BMP7: variants seen among roughly 807,000 people sequenced by gnomAD.
BMP7 encodes the protein bone morphogenetic protein 7.
A neutral mutation model predicts 41.2 loss-of-function variants in BMP7; 12 were observed. The ratio of observed to expected loss-of-function variants is 0.29; its 90% CI spans 0.19 to 0.47. The LOEUF (loss-of-function observed/expected upper bound fraction) is 0.47, where lower values mean the gene tolerates loss of function less well. BMP7 is among the 20% of genes least tolerant of loss of function. BMP7 has a pLI of 0.99. For missense variants in BMP7, 467 were observed against 606.0 expected (o/e 0.77, Z 2.41); for synonymous variants, 248 against 250.0 (o/e 0.99, Z 0.07).
intron 1 of BMP7, among the ~76,000 whole-genome samples, chr20:57,247,408 C>T (rs2066094585): frequency 6.6e-6 from 1 of 152,238 alleles, no homozygotes; most frequent in African/African-American, 2.4e-5. Flanking sequence ...CACAAAACCA[C>T]ATTCAAGGCA....
chr20:57,210,028 G>A (rs888223107), intron 2 of BMP7, among the ~76,000 whole-genome samples: 3 of 152,166 alleles, frequency 2.0e-5, no homozygotes, highest in African/African-American at 7.2e-5. Context: ...CCAGGGGACA[G>A]GCCACACGTC....
intron 4 of BMP7, among the ~76,000 whole-genome samples, chr20:57,179,298 C>T (rs906888265): frequency 6.6e-6 from 1 of 152,250 alleles, no homozygotes; most frequent in Non-Finnish European, 1.5e-5. Flanking sequence ...AGAAAGTGAG[C>T]AGGAGACAGC....
At chr20:57,177,171 A>C (rs1983948075) in intron 4 of BMP7, among the ~76,000 whole-genome samples, 1 of 152,202 alleles carries the variant, frequency 6.6e-6, no homozygotes, top group African/African-American at 2.4e-5. Context: ...GGCTAGAAGC[A>C]GCAAGCCAAG....
rs745414372 is a variant in BMP7, at chr20:57,174,506, AG to A, written c.1035+424del. Among the ~76,000 whole-genome samples, 4 of 152,176 alleles carry A rather than the reference AG, an allele frequency of 2.6e-5. No homozygotes were observed. Among genetic ancestry groups the A allele is most frequent in the Admixed American group, 6.5e-5 (1 of 15,288 alleles). ...CACCCCTGAAACAGTTGACTGGTTC[AG>A]GAACAAGTGCCTGAACCAAGCTGGG... On this transcript the variant is annotated intron_variant, in intron 5 of 6. Coordinates refer to ENST00000395863, the MANE Select transcript of BMP7 (RefSeq NM_001719.3). This position sits in a 1 kb window ranked among gnomAD's most constrained non-coding sequence, Gnocchi z 4.3.
intron 1 of BMP7, among the ~76,000 whole-genome samples, chr20:57,257,886 C>A (rs1390787152): frequency 6.7e-6 from 1 of 148,618 alleles, no homozygotes; most frequent in African/African-American, 2.5e-5. Flanking sequence ...GGGGGATGAG[C>A]ACTTGGACCA....
chr20:57,224,686 G>C lies in BMP7; in HGVS notation c.611+3543C>G, dbSNP rs1271496348. The C allele has an allele frequency of 6.6e-6, 1 of 152,278 alleles. No homozygotes were observed. Among genetic ancestry groups the C allele is most frequent in the East Asian group, 1.9e-4 (1 of 5,180 alleles). The allele number at this position is 152,278 out of a possible 1,614,324, so 9.4% of individuals were successfully genotyped here. Reference sequence around the variant, plus strand: ...CCTGGGGTTCAGAAAATGAGGATAAGACTCCGATCCTTTCGCAGCCCCCTC... The same window carrying C: ...CCTGGGGTTCAGAAAATGAGGATAACACTCCGATCCTTTCGCAGCCCCCTC... On this transcript the variant is annotated intron_variant, in intron 2 of 6. Coordinates refer to ENST00000395863, the MANE Select transcript of BMP7 (RefSeq NM_001719.3). This position sits in a 1 kb window ranked among gnomAD's most constrained non-coding sequence, Gnocchi z 4.8.
intron 4 of BMP7, among the ~76,000 whole-genome samples, chr20:57,180,127 G>A (rs1016665957): frequency 3.9e-5 from 6 of 152,040 alleles, no homozygotes; most frequent in Non-Finnish European, 2.9e-5. Flanking sequence ...GCACCCCCTC[G>A]GCACCCACCC....
At chr20:57,254,165 G>T (rs569358704) in intron 1 of BMP7, among the ~76,000 whole-genome samples, 119 of 151,530 alleles carry the variant, frequency 7.9e-4, no homozygotes, top group Middle Eastern at 3.4e-3. Flanking sequence ...TGGGACTAAA[G>T]GTGTGTACCA....
At chr20:57,188,865 G>A (rs1157668031) in intron 3 of BMP7, among the ~76,000 whole-genome samples, 1 of 152,250 alleles carries the variant, frequency 6.6e-6, no homozygotes, top group Non-Finnish European at 1.5e-5. Flanking sequence ...GAGTGAGGAA[G>A]GCCTTTGAGC....
intron 2 of BMP7, among the ~76,000 whole-genome samples, chr20:57,211,463 A>C: frequency 1.3e-5 from 2 of 152,230 alleles, no homozygotes; most frequent in South Asian, 2.1e-4. Flanking sequence ...TGTGGTAGGC[A>C]GAATAACACC....
intron 1 of BMP7, among the ~76,000 whole-genome samples, chr20:57,229,422 T>G (rs1241968068): frequency 2.0e-5 from 3 of 152,190 alleles, no homozygotes; most frequent in African/African-American, 7.2e-5. Context: ...GGCAGCGGTA[T>G]TAGACTAAGA....
At chr20:57,248,748 G>C (rs2066099780) in intron 1 of BMP7, among the ~76,000 whole-genome samples, 1 of 152,094 alleles carries the variant, frequency 6.6e-6, no homozygotes, top group Admixed American at 6.6e-5. Flanking sequence ...ATGCTAGGCA[G>C]GTGTTCTGTG....
rs1983871927 is a variant in BMP7 at position 57,174,204 on chromosome 20, T to C, written c.1035+727A>G. Among the ~76,000 whole-genome samples the C allele has an allele frequency of 6.6e-6, 1 of 152,114 alleles. No homozygotes were observed. Among genetic ancestry groups the C allele is most frequent in the Non-Finnish European group, 1.5e-5 (1 of 68,010 alleles). On this transcript the variant is annotated intron_variant, in intron 5 of 6. Coordinates refer to ENST00000395863, the MANE Select transcript of BMP7 (RefSeq NM_001719.3). The surrounding 1 kb of genome is among the most constrained non-coding windows in gnomAD (Gnocchi z 4.3). The stretch of plus-strand genomic sequence containing the variant: ...TCCCTGAGGGTAGAATACCACCAGT[T>C]GCCCTGATGACCTCATGACAATACC...
In BMP7 at chr20:57,214,132, CCT is replaced by C. The variant is rs1984957813; in HGVS notation, c.612-11511_612-11510del. On this transcript the variant is annotated intron_variant, in intron 2 of 6. Coordinates refer to ENST00000395863, the MANE Select transcript of BMP7 (RefSeq NM_001719.3). The surrounding 1 kb of genome is among the most constrained non-coding windows in gnomAD (Gnocchi z 4.0). The stretch of plus-strand genomic sequence containing the variant: ...ACCTGAGAGGCGAGCACTGTTGTCC[CCT>C]CTCACAGGTGGGAGACTGAGGCTCA... Among the ~76,000 whole-genome samples the C allele has an allele frequency of 6.6e-6, 1 of 152,166 alleles. No homozygotes were observed. The highest frequency in any genetic ancestry group is 1.9e-4 in the East Asian group (1 of 5,194).
intron 3 of BMP7, among the ~76,000 whole-genome samples, chr20:57,186,495 G>T (rs1239688677): frequency 6.6e-6 from 1 of 152,190 alleles, no homozygotes; most frequent in Non-Finnish European, 1.5e-5. Flanking sequence ...AAAGCATCCA[G>T]TGGAAACAAA....
At chr20:57,175,139 G>A (rs1983894666) in intron 4 of BMP7, 132 bp from the exon 5 acceptor site, 21 of 979,172 alleles carry the variant, frequency 2.1e-5, no homozygotes, top group South Asian at 1.5e-4. Flanking sequence ...TAAATTTCCC[G>A]ATTCAAAAGC....
At chr20:57,186,232 C>T (rs144698364) in intron 3 of BMP7, among the ~76,000 whole-genome samples, 109 of 152,232 alleles carry the variant, frequency 7.2e-4, no homozygotes, top group Non-Finnish European at 1.2e-3. Context: ...GGGAATGCAA[C>T]GGAGACTGTG....
chr20:57,224,708 C>A lies in BMP7; in HGVS notation c.611+3521G>T, dbSNP rs1398510158. 6.6e-6 allele frequency: 1 copy of A among 152,348 alleles called. No homozygotes were observed. The highest frequency in any genetic ancestry group is 1.5e-5 in the Non-Finnish European group (1 of 68,138). 9.4% of individuals were successfully genotyped at this position (152,348 alleles called of 1,614,324 possible). On this transcript the variant is annotated intron_variant, in intron 2 of 6. Coordinates refer to ENST00000395863, the MANE Select transcript of BMP7 (RefSeq NM_001719.3). The surrounding 1 kb of genome is among the most constrained non-coding windows in gnomAD (Gnocchi z 4.8). The stretch of plus-strand genomic sequence containing the variant: ...TAAGACTCCGATCCTTTCGCAGCCC[C>A]CTCTCACCCCAGCAAGGCCTCTGGA...
chr20:57,184,733 C>T (rs959631549), intron 3 of BMP7, among the ~76,000 whole-genome samples: 2 of 151,978 alleles, frequency 1.3e-5, no homozygotes, highest in Admixed American at 6.6e-5. Context: ...GACTAGTGTC[C>T]CCATAAGAAG....
Sources: gnomAD v4.1 joint callset for allele counts (sites outside exome capture counted in the v4.1 genomes callset) on GRCh38, gnomAD v4.1.1 for gene constraint, Gnocchi (gnomAD v3.1) non-coding constraint, MANE v1.5 for transcripts, NCBI Gene and HGNC (gene_info 2026-07-23, HGNC 2026-07-21) for gene names.